TNFRSF10B: variants seen among roughly 807,000 people sequenced by gnomAD.
TNFRSF10B encodes TNF receptor superfamily member 10b.
In TNFRSF10B, 35 loss-of-function variants were observed where a neutral mutation model predicts 41.4. The ratio of observed to expected loss-of-function variants is 0.85; its 90% CI spans 0.65 to 1.12. The LOEUF (loss-of-function observed/expected upper bound fraction) is 1.12, where lower values mean the gene tolerates loss of function less well. Among genes scored for constraint, TNFRSF10B ranks in the 50% most tolerant of loss-of-function variants. TNFRSF10B has a pLI of 0.00. For synonymous variants in TNFRSF10B, 230 were observed against 215.5 expected, an observed-to-expected ratio of 1.07 and a Z score of -0.59; for missense variants, 584 against 552.7, an observed-to-expected ratio of 1.06 and a Z score of -0.57.
intron 2 of TNFRSF10B, among the ~76,000 whole-genome samples, chr8:23,035,530 GAGCAAGAAGTAGCAACT>G (rs1812005716): frequency 6.6e-6 from 1 of 152,134 alleles, no homozygotes; most frequent in Admixed American, 6.5e-5. Context: ...TGAACCTCAC[GAGCAAGAAGTAGCAACT>G]ATTCTAGACT....
At position 23,022,139 on chromosome 8, in the gene TNFRSF10B, G is replaced by A. The variant is rs1811547314; in HGVS notation, c.*532C>T. The A allele has an allele frequency of 6.8e-6, 3 of 443,522 alleles. No homozygotes were observed. Among genetic ancestry groups the A allele is most frequent in the South Asian group, 4.8e-5 (3 of 62,440 alleles). The allele number at this position is 443,522 out of a possible 1,614,324, so 27.5% of individuals were successfully genotyped here. A position where few individuals can be genotyped will look rare whatever the true frequency, so the allele number is the denominator to read the frequency against. Reference sequence around the variant, plus strand: ...GCCGGGCGTGGTGGTGCACACCTGTGGTCCCAGCTATTTGGATGGCTGAGG... The same window carrying A: ...GCCGGGCGTGGTGGTGCACACCTGTAGTCCCAGCTATTTGGATGGCTGAGG... On this transcript the variant is annotated 3_prime_UTR_variant, in exon 9 of 9. Coordinates refer to ENST00000276431, the MANE Select transcript of TNFRSF10B (RefSeq NM_003842.5).
Position 23,021,734 on chromosome 8 carries a change from T to C in TNFRSF10B, c.*937A>G. 2.2e-6 allele frequency: 1 copy of C among 454,108 alleles called. No homozygotes were observed. Among genetic ancestry groups the C allele is most frequent in the Non-Finnish European group, 4.4e-6 (1 of 226,800 alleles). 28.1% of individuals were successfully genotyped at this position (454,108 alleles called of 1,614,324 possible). ...TAATACTCATATACTTGTAAGGTTG[T>C]CCAGTTCAAAAGACTGGCCCCTGTA... is the stretch of plus-strand genomic sequence containing the variant. On this transcript the variant is annotated 3_prime_UTR_variant, in exon 9 of 9. Coordinates refer to ENST00000276431, the MANE Select transcript of TNFRSF10B (RefSeq NM_003842.5).
intron 1 of TNFRSF10B, among the ~76,000 whole-genome samples, chr8:23,060,307 AT>A (rs1455963826): frequency 7.2e-5 from 11 of 152,082 alleles, no homozygotes; most frequent in African/African-American, 2.7e-4. Flanking sequence ...GTTTTTAGCT[AT>A]TTTTTAAATA....
chr8:23,022,573 G>A lies in TNFRSF10B; in HGVS notation c.*98C>T. ...GAGTTTCTTCCAGTACCGGTCATGT[G>A]ACAATTGTGGCACTTTCCTACTGAC... On this transcript the variant is annotated 3_prime_UTR_variant, in exon 9 of 9. Coordinates refer to ENST00000276431, the MANE Select transcript of TNFRSF10B (RefSeq NM_003842.5). The A allele has an allele frequency of 1.5e-6, 2 of 1,322,562 alleles. No homozygotes were observed. The highest frequency in any genetic ancestry group is 2.4e-5 in the South Asian group (2 of 81,810). 81.9% of individuals were successfully genotyped at this position (1,322,562 alleles called of 1,614,324 possible).
chr8:23,053,113 C>T (rs550144326), intron 1 of TNFRSF10B, among the ~76,000 whole-genome samples: 1 of 152,284 alleles, frequency 6.6e-6, no homozygotes, highest in East Asian at 1.9e-4. Context: ...ATTAGGCCTC[C>T]TAAATGCTTT....
chr8:23,060,137 A>AT (rs1178598527), intron 1 of TNFRSF10B, among the ~76,000 whole-genome samples: 1 of 151,488 alleles, frequency 6.6e-6, no homozygotes, highest in Non-Finnish European at 1.5e-5. Context: ...AGAGTTACTG[A>AT]TTTTCAAGAA....
intron 2 of TNFRSF10B, among the ~76,000 whole-genome samples, chr8:23,038,799 T>C (rs969029172): frequency 8.5e-5 from 13 of 152,092 alleles, no homozygotes; most frequent in Non-Finnish European, 1.8e-4. Flanking sequence ...AATTCTGTAT[T>C]AGTCAGGGCT....
intron 1 of TNFRSF10B, among the ~76,000 whole-genome samples, chr8:23,054,774 G>A (rs111981036): frequency 6.0e-4 from 91 of 152,312 alleles, no homozygotes; most frequent in African/African-American, 2.1e-3. Flanking sequence ...ATAGGTATTT[G>A]ATGGTATAAA....
intron 1 of TNFRSF10B, among the ~76,000 whole-genome samples, chr8:23,053,011 A>G (rs1439697718): frequency 6.6e-6 from 1 of 152,266 alleles, no homozygotes; most frequent in Non-Finnish European, 1.5e-5. Context: ...AACAAGTCAG[A>G]AAGTCAAGGC....
At chr8:23,026,470 A>T (rs1356169460) in intron 7 of TNFRSF10B, among the ~76,000 whole-genome samples, 1 of 152,222 alleles carries the variant, frequency 6.6e-6, no homozygotes, top group African/African-American at 2.4e-5. Flanking sequence ...TCGAAAATTC[A>T]ATTCTGTTTA....
At chr8:23,048,837 A>C (rs985182155) in intron 1 of TNFRSF10B, among the ~76,000 whole-genome samples, 2 of 152,212 alleles carry the variant, frequency 1.3e-5, no homozygotes, top group African/African-American at 4.8e-5. Flanking sequence ...CCTGGGCTCA[A>C]GCAGTCCTCC....
intron 1 of TNFRSF10B, among the ~76,000 whole-genome samples, chr8:23,068,007 C>A (rs1294986635): frequency 6.6e-6 from 1 of 152,248 alleles, no homozygotes; most frequent in Non-Finnish European, 1.5e-5. Flanking sequence ...ATCACGGATA[C>A]TTGCCAAGAG....
chr8:23,030,108 A>G (rs892550374), intron 3 of TNFRSF10B, among the ~76,000 whole-genome samples: 3 of 152,066 alleles, frequency 2.0e-5, no homozygotes, highest in Admixed American at 2.0e-4. Flanking sequence ...GAGGCCTGAG[A>G]ACCTGAAGGG....
intron 7 of TNFRSF10B, 44 bp from the exon 8 acceptor site, chr8:23,024,304 C>G: frequency 6.2e-7 from 1 of 1,611,170 alleles, no homozygotes; most frequent in Non-Finnish European, 8.5e-7. Context: ...GCCAGGAGTC[C>G]TACAGTCCAG....
At position 23,068,732 on chromosome 8, in the gene TNFRSF10B, G is replaced by A. The variant is rs779139704; in HGVS notation, c.144+19C>T. 28 of 1,562,394 alleles carry A rather than the reference G, an allele frequency of 1.8e-5. No individual in the cohort carries two copies. In the South Asian group the frequency reaches 3.1e-4, roughly 17 times the overall value. Reference sequence around the variant, plus strand: ...CCAGGCACGCTCTTCCCCAGCCAGGGACCGCGGCGGGGACTCACCAACAGC... The same window carrying A: ...CCAGGCACGCTCTTCCCCAGCCAGGAACCGCGGCGGGGACTCACCAACAGC... On this transcript the variant is annotated intron_variant, in intron 1 of 8. Transcript: ENST00000276431.
intron 1 of TNFRSF10B, chr8:23,049,830 G>A (rs558775358): frequency 2.6e-5 from 4 of 152,280 alleles, no homozygotes; most frequent in South Asian, 4.1e-4. Context: ...ATTGGGCAGC[G>A]AGATTCACCT....
chr8:23,027,554 G>A, intron 6 of TNFRSF10B, 168 bp downstream of exon 6: 1 of 911,358 alleles, frequency 1.1e-6, no homozygotes, highest in Non-Finnish European at 1.7e-6. Context: ...AGCCTATGTG[G>A]TGCTCAAAAT....
Position 23,057,589 on chromosome 8 carries a change from C to T in TNFRSF10B, c.144+11162G>A, listed in dbSNP as rs545201603. ...CTGGGATTACAGGTGTATGACACCA[C>T]ACCTGGCTGATTTTTGTATTTTTAG... On this transcript the variant is annotated intron_variant, in intron 1 of 8. Transcript: ENST00000276431. Among the ~76,000 whole-genome samples, 41 of 152,142 alleles carry T rather than the reference C, an allele frequency of 2.7e-4. 2 individuals carry two copies. In the South Asian group the frequency reaches 7.9e-3, roughly 29 times the overall value.
intron 1 of TNFRSF10B, among the ~76,000 whole-genome samples, chr8:23,064,052 G>C (rs1350722099): frequency 6.6e-6 from 1 of 152,266 alleles, no homozygotes; most frequent in Non-Finnish European, 1.5e-5. Context: ...GCAAGGAGCC[G>C]TGGAGTATCG....
Sources: gnomAD v4.1 joint callset for allele counts (sites outside exome capture counted in the v4.1 genomes callset) on GRCh38, gnomAD v4.1.1 for gene constraint, MANE v1.5 for transcripts, NCBI Gene and HGNC (gene_info 2026-07-23, HGNC 2026-07-21) for gene names.